Variants in ESRRB observed in about 807,000 individuals in gnomAD.
The protein encoded by ESRRB is steroid hormone receptor ERR2.
A neutral mutation model predicts 46.0 loss-of-function variants in ESRRB; 16 were observed. The observed-to-expected ratio is 0.35, with a 90% CI of 0.24 to 0.53. ESRRB has a LOEUF of 0.53. ESRRB is among the 20% of genes least tolerant of loss of function. ESRRB has a pLI of 0.93. For synonymous variants in ESRRB, 246 were observed against 259.6 expected, an observed-to-expected ratio of 0.95 and a Z score of 0.50; for missense variants, 488 against 607.4, an observed-to-expected ratio of 0.80 and a Z score of 2.07.
At chr14:76,446,071 G>A (rs1414694567) in intron 2 of ESRRB, among the ~76,000 whole-genome samples, 2 of 152,174 alleles carry the variant, frequency 1.3e-5, no homozygotes, top group African/African-American at 4.8e-5. Context: ...GGCAAACTAC[G>A]GCCTGTAAGC....
intron 1 of ESRRB, among the ~76,000 whole-genome samples, chr14:76,404,681 C>T (rs940462857): frequency 4.6e-5 from 7 of 152,200 alleles, no homozygotes; most frequent in African/African-American, 1.4e-4. Context: ...GGCAACAGCT[C>T]CAGCCCAGCC....
chr14:76,352,564 C>T (rs1884326814), intron 1 of ESRRB, among the ~76,000 whole-genome samples: 2 of 152,200 alleles, frequency 1.3e-5, no homozygotes, highest in Admixed American at 1.3e-4. Context: ...TGGAGCCAGA[C>T]CCTGGGCCTT....
At chr14:76,331,287 T>C (rs1394291367) in intron 1 of ESRRB, among the ~76,000 whole-genome samples, 1 of 152,134 alleles carries the variant, frequency 6.6e-6, no homozygotes, top group African/African-American at 2.4e-5. Context: ...TGGTAATGGT[T>C]GTGGCTCCAG....
chr14:76,423,517 T>C (rs778739953), intron 1 of ESRRB, among the ~76,000 whole-genome samples: 22 of 152,112 alleles, frequency 1.4e-4, no homozygotes, highest in Non-Finnish European at 2.8e-4. Flanking sequence ...TTAAGAACTT[T>C]TGTGGGCTCC....
chr14:76,444,698 A>C (rs977678092), intron 2 of ESRRB, among the ~76,000 whole-genome samples: 5 of 152,120 alleles, frequency 3.3e-5, no homozygotes, highest in Non-Finnish European at 7.4e-5. Flanking sequence ...AGGTAGCTGC[A>C]ATCTACTGCT....
intron 1 of ESRRB, among the ~76,000 whole-genome samples, chr14:76,385,949 G>A (rs944573407): frequency 6.6e-6 from 1 of 152,156 alleles, no homozygotes; most frequent in African/African-American, 2.4e-5. Flanking sequence ...TTAGTCAGAG[G>A]ACAAGCACCA....
intron 1 of ESRRB, among the ~76,000 whole-genome samples, chr14:76,363,863 G>T (rs531384183): frequency 7.9e-5 from 12 of 152,322 alleles, no homozygotes; most frequent in African/African-American, 2.9e-4. Context: ...CAGGTTTGGG[G>T]TGAGCTAGAC....
rs914476317 is a variant in ESRRB at position 76,482,807 on chromosome 14, G to C, written c.850+48G>C. ...GAGTGTGGCCAGGGACTCTCAGCCG[G>C]TATCTCCGCAGCCTACCCAATGGCT... On this transcript the variant is annotated intron_variant, in intron 5 of 6. Transcript: ENST00000644823. This position sits in a 1 kb window ranked among gnomAD's most constrained non-coding sequence, Gnocchi z 4.3. 6.2e-7 allele frequency: 1 copy of C among 1,608,016 alleles called. No individual in the cohort carries two copies. Among genetic ancestry groups the C allele is most frequent in the African/African-American group, 1.3e-5 (1 of 74,790 alleles).
At chr14:76,370,865 A>G (rs115234765), upstream of ESRRB, among the ~76,000 whole-genome samples, 20 of 152,358 alleles carry the variant, frequency 1.3e-4, no homozygotes, top group East Asian at 3.5e-3. Context: ...GAAAGAATCT[A>G]TGGTAAAGAG....
intron 1 of ESRRB, among the ~76,000 whole-genome samples, chr14:76,314,362 G>T (rs191945684): frequency 2.0e-5 from 3 of 152,278 alleles, no homozygotes; most frequent in African/African-American, 7.2e-5. Context: ...GGGCCTGGAG[G>T]GGCTGTGTGC....
At chr14:76,430,113 A>T (rs976756183) in intron 1 of ESRRB, among the ~76,000 whole-genome samples, 3 of 152,118 alleles carry the variant, frequency 2.0e-5, no homozygotes, top group Non-Finnish European at 4.4e-5. Context: ...GCATCTAGCC[A>T]CATGGTCCTC....
intron 1 of ESRRB, among the ~76,000 whole-genome samples, chr14:76,436,440 G>T (rs1392280423): frequency 6.6e-6 from 1 of 152,182 alleles, no homozygotes; most frequent in Non-Finnish European, 1.5e-5. Flanking sequence ...TGCAGCCTGG[G>T]GAAGGTTTGG....
intron 1 of ESRRB, among the ~76,000 whole-genome samples, chr14:76,400,195 A>G (rs976486714): frequency 2.0e-5 from 3 of 152,188 alleles, no homozygotes; most frequent in African/African-American, 7.2e-5. Flanking sequence ...GGAGCCCTTC[A>G]ACTGGGTACT....
At chr14:76,339,124 G>A (rs1349621447) in intron 1 of ESRRB, among the ~76,000 whole-genome samples, 4 of 151,936 alleles carry the variant, frequency 2.6e-5, no homozygotes, top group South Asian at 2.1e-4. Flanking sequence ...TCTTTCTAGG[G>A]CCCTAAAAAA....
intron 1 of ESRRB, among the ~76,000 whole-genome samples, chr14:76,337,949 C>T (rs930434913): frequency 2.0e-5 from 3 of 152,214 alleles, no homozygotes; most frequent in African/African-American, 7.2e-5. Flanking sequence ...ACATCGCCTC[C>T]TCCTTCCTTC....
intron 1 of ESRRB, among the ~76,000 whole-genome samples, chr14:76,358,422 A>G (rs1204303141): frequency 2.0e-5 from 3 of 149,840 alleles, no homozygotes; most frequent in Non-Finnish European, 4.4e-5. Flanking sequence ...AAAAGAAAAG[A>G]AAAAGAAAAA....
chr14:76,377,041 A>G (rs1322925914), intron 1 of ESRRB, among the ~76,000 whole-genome samples: 2 of 152,074 alleles, frequency 1.3e-5, no homozygotes, highest in Non-Finnish European at 2.9e-5. Context: ...CGCCCGGGGG[A>G]TGCGGGCCCA....
At chr14:76,451,906 AG>A (rs1888398213) in intron 2 of ESRRB, among the ~76,000 whole-genome samples, 1 of 146,246 alleles carries the variant, frequency 6.8e-6, no homozygotes, top group Non-Finnish European at 1.5e-5. Context: ...GCCAAAGTGC[AG>A]GGATTACAGG....
At chr14:76,399,775 G>C (rs533918327) in intron 1 of ESRRB, among the ~76,000 whole-genome samples, 3 of 152,236 alleles carry the variant, frequency 2.0e-5, no homozygotes, top group Non-Finnish European at 4.4e-5. Flanking sequence ...GGGTGACCAT[G>C]AGGAAGGGGA....
Sources: allele counts gnomAD v4.1 joint callset (sites outside exome capture counted in the v4.1 genomes callset), GRCh38; gene constraint gnomAD v4.1.1; non-coding constraint Gnocchi (gnomAD v3.1); transcripts MANE v1.5; gene names NCBI Gene and HGNC (gene_info 2026-07-23, HGNC 2026-07-21).